Variants in MDGA2 observed in about 807,000 individuals in gnomAD.
The protein encoded by MDGA2 is MAM domain-containing glycosylphosphatidylinositol anchor protein 2.
MDGA2 carries 40 observed loss-of-function variants against 117.8 expected under a neutral mutation model. The ratio of observed to expected loss-of-function variants is 0.34; its 90% confidence interval spans 0.26 to 0.44. The LOEUF (loss-of-function observed/expected upper bound fraction) is 0.44. MDGA2 is among the 20% of genes least tolerant of loss of function. The pLI is 1.00. For synonymous variants in MDGA2, 452 were observed against 439.0 expected (o/e 1.03, Z -0.37); for missense variants, 1,123 against 1,250.6 (o/e 0.90, Z 1.54).
At chr14:47,399,053 C>G (rs921996228) in intron 1 of MDGA2, among the ~76,000 whole-genome samples, 8 of 152,086 alleles carry the variant, frequency 5.3e-5, no homozygotes, top group African/African-American at 1.9e-4. Context: ...TTGATGAGCC[C>G]TCTGCCTCTC....
At chr14:47,424,250 C>T (rs965790213) in intron 1 of MDGA2, among the ~76,000 whole-genome samples, 9 of 151,966 alleles carry the variant, frequency 5.9e-5, no homozygotes, top group African/African-American at 1.9e-4. Context: ...GAGAAACCGT[C>T]GTCTCTACAA....
intron 1 of MDGA2, among the ~76,000 whole-genome samples, chr14:47,409,734 AT>A (rs556801940): frequency 6.6e-6 from 1 of 152,010 alleles, no homozygotes; most frequent in Non-Finnish European, 1.5e-5. Context: ...TATTATTTTG[AT>A]TTTTTTTAAG....
intron 10 of MDGA2, among the ~76,000 whole-genome samples, chr14:46,886,414 T>C (rs1465237693): frequency 6.6e-6 from 1 of 152,086 alleles, no homozygotes; most frequent in Non-Finnish European, 1.5e-5. Flanking sequence ...TGTTATAAAA[T>C]TTAGTTTTAA....
chr14:47,093,249 A>G (rs1879772854), intron 6 of MDGA2, among the ~76,000 whole-genome samples: 1 of 152,106 alleles, frequency 6.6e-6, no homozygotes, highest in South Asian at 2.1e-4. Flanking sequence ...CCATGCATCC[A>G]AAACACTGAA....
At chr14:46,883,591 A>T (rs1296515355) in intron 10 of MDGA2, among the ~76,000 whole-genome samples, 1 of 151,710 alleles carries the variant, frequency 6.6e-6, no homozygotes, top group African/African-American at 2.4e-5. Context: ...TTGGAAAAAC[A>T]AAACCAAAAT....
chr14:47,505,972 G>C (rs1331781671), intron 1 of MDGA2, among the ~76,000 whole-genome samples: 2 of 152,078 alleles, frequency 1.3e-5, no homozygotes, highest in Non-Finnish European at 2.9e-5. Context: ...TTATGAATAG[G>C]ACACAGGTCC....
At chr14:47,398,004 C>T (rs1397713547) in intron 1 of MDGA2, among the ~76,000 whole-genome samples, 2 of 152,100 alleles carry the variant, frequency 1.3e-5, no homozygotes, top group Non-Finnish European at 2.9e-5. Context: ...ATTTTATCCT[C>T]ACAACATCGC....
chr14:47,058,995 G>A (rs1594576722), intron 7 of MDGA2: 1 of 991,754 alleles, frequency 1.0e-6, no homozygotes, highest in East Asian at 1.1e-4. Context: ...AGCTGCTCCT[G>A]TCTTTGGGAG....
At position 47,327,701 on chromosome 14, in the gene MDGA2, C is replaced by A. The variant is rs951257809; in HGVS notation, c.281-26151G>T. ...AAATTTAACATACACACATGTTATG[C>A]ATATACAGTACAAACATTTATATGT... On this transcript the variant is annotated intron_variant, in intron 1 of 16. Transcript: ENST00000399232. 3.3e-5 allele frequency among the ~76,000 whole-genome samples: 5 copies of A among 152,096 alleles called. 1 individual carries two copies. The South Asian group carries it at 8.3e-4, about 25-fold the overall frequency.
intron 1 of MDGA2, among the ~76,000 whole-genome samples, chr14:47,649,992 A>G (rs944932179): frequency 6.6e-6 from 1 of 152,114 alleles, no homozygotes; most frequent in Non-Finnish European, 1.5e-5. Flanking sequence ...AAGTGCTTCT[A>G]TGAGGATGCT....
chr14:47,545,521 A>T (rs1228440690), intron 1 of MDGA2, among the ~76,000 whole-genome samples: 1 of 152,176 alleles, frequency 6.6e-6, no homozygotes, highest in Admixed American at 6.5e-5. Flanking sequence ...AGAAGAATGA[A>T]AGCTATAGAT....
At position 47,094,681 on chromosome 14, in the gene MDGA2, T is replaced by A. The variant is rs1053001346; in HGVS notation, c.1195+2173A>T. On this transcript the variant is annotated intron_variant, in intron 6 of 16. Coordinates refer to ENST00000399232, the MANE Select transcript of MDGA2 (RefSeq NM_001113498.3). ...GCAGTACTTTAATATTACACTTTAA[T>A]CATTATACTTCAATACTTCAATGCT... Among the ~76,000 whole-genome samples, 4 of 152,048 alleles carry A rather than the reference T, an allele frequency of 2.6e-5. No homozygotes were observed. In the East Asian group the frequency reaches 7.7e-4, roughly 29 times the overall value.
chr14:46,905,776 A>T (rs1366608436), intron 10 of MDGA2, among the ~76,000 whole-genome samples: 1 of 152,126 alleles, frequency 6.6e-6, no homozygotes, highest in East Asian at 1.9e-4. Flanking sequence ...ATCTTTGAAA[A>T]TTAGATAACT....
chr14:46,965,376 T>C (rs958191143), intron 8 of MDGA2, among the ~76,000 whole-genome samples: 38 of 152,186 alleles, frequency 2.5e-4, no homozygotes, highest in Non-Finnish European at 1.5e-5. Flanking sequence ...CAATTTTCAA[T>C]GGCCTGTAAG....
intron 1 of MDGA2, among the ~76,000 whole-genome samples, chr14:47,512,897 G>A (rs928675903): frequency 1.1e-4 from 16 of 146,766 alleles, no homozygotes; most frequent in South Asian, 2.1e-4. Context: ...ACTCTGCTGC[G>A]TTTATACACA....
At chr14:46,936,803 A>G in intron 9 of MDGA2, among the ~76,000 whole-genome samples, 1 of 152,176 alleles carries the variant, frequency 6.6e-6, no homozygotes, top group East Asian at 1.9e-4. Context: ...CAACACAATA[A>G]TGTCTATATA....
intron 1 of MDGA2, among the ~76,000 whole-genome samples, chr14:47,614,090 TTTTTC>T (rs895862984): frequency 6.9e-6 from 1 of 145,450 alleles, no homozygotes; most frequent in Non-Finnish European, 1.5e-5. Context: ...CTTGTTTTCT[TTTTTC>T]TTTTTTTTTT....
At chr14:47,523,317 T>A (rs914036223) in intron 1 of MDGA2, among the ~76,000 whole-genome samples, 31 of 152,212 alleles carry the variant, frequency 2.0e-4, no homozygotes, top group Admixed American at 3.3e-4. Context: ...GGATATACAT[T>A]AGAAGTTCAA....
intron 1 of MDGA2, among the ~76,000 whole-genome samples, chr14:47,353,766 C>T (rs910190709): frequency 6.6e-6 from 1 of 152,112 alleles, no homozygotes; most frequent in African/African-American, 2.4e-5. Context: ...TCAAACTCTT[C>T]CAAAGAACTG....
Sources: gnomAD v4.1 joint callset for allele counts (sites outside exome capture counted in the v4.1 genomes callset) on GRCh38, gnomAD v4.1.1 for gene constraint, MANE v1.5 for transcripts, NCBI Gene and HGNC (gene_info 2026-07-23, HGNC 2026-07-21) for gene names.